MAGI3: variants seen among roughly 807,000 people sequenced by gnomAD.
MAGI3 encodes membrane-associated guanylate kinase, WW and PDZ domain-containing protein 3.
In MAGI3, 43 loss-of-function variants were observed where a neutral mutation model predicts 121.8. The ratio of observed to expected loss-of-function variants is 0.35; its 90% CI spans 0.28 to 0.46. The LOEUF (loss-of-function observed/expected upper bound fraction) is 0.46. Ranked by LOEUF, MAGI3 falls within the 20% of genes least tolerant of loss-of-function variation. The probability of loss-of-function intolerance (pLI) is 1.00; values close to 1 mark genes in which losing one functional copy is unlikely to be tolerated. For missense variants in MAGI3, 1,547 were observed against 1,797.3 expected, an observed-to-expected ratio of 0.86 and a Z score of 2.52; for synonymous variants, 553 against 639.3, an observed-to-expected ratio of 0.86 and a Z score of 2.04.
At position 113,672,707 on chromosome 1, in the gene MAGI3, C is replaced by T. The variant is rs1647635080; in HGVS notation, c.3011C>T (p.Ala1004Val). Residue 1004 changes from alanine (A) to valine (V), a missense_variant, in exon 18 of 21, where the codon GCA (alanine) becomes GTA (valine). Coordinates refer to ENST00000307546, the MANE Select transcript of MAGI3 (RefSeq NM_001142782.2). ...DHKHLAQPDTAVISVVGSRHN... is the reference protein window; with the variant it reads ...DHKHLAQPDTVVISVVGSRHN... ...AAGCACCTTGCACAGCCTGACACCG[C>T]AGTAATTTCAGTTGTAGGCAGTCGG... The T allele has an allele frequency of 6.2e-7, 1 of 1,613,258 alleles. No homozygotes were observed. Among genetic ancestry groups the T allele is most frequent in the Non-Finnish European group, 8.5e-7 (1 of 1,179,676 alleles).
In MAGI3 at chr1:113,564,625, T is replaced by G. The variant is rs192663504; in HGVS notation, c.433+14994T>G. ...TGGCTCACACCTGTAGTCCCAGCACTTTGGGAGGCTGAGGCGGAAGGAACT... is the reference window on the plus strand; with the variant it reads ...TGGCTCACACCTGTAGTCCCAGCACGTTGGGAGGCTGAGGCGGAAGGAACT... On this transcript the variant is annotated intron_variant, in intron 2 of 20. Transcript: ENST00000307546. Among the ~76,000 whole-genome samples, 727 of 152,128 alleles carry G rather than the reference T, an allele frequency of 4.8e-3. 4 individuals are homozygous for G. The highest frequency in any genetic ancestry group is 8.6e-3 in the Non-Finnish European group (584 of 67,990).
rs1330709327 is a variant in MAGI3, at chr1:113,683,146, A to G, written c.3578A>G (p.Lys1193Arg). ...TCTCTTCTCCAGAAAAATGTGAGTA[A>G]GAGGGATCCACCCAGCAGTCATGGG... is the stretch of plus-strand genomic sequence containing the variant. ...HQSLLQKNVS[K>R]RDPPSSHGHS... is the part of the protein sequence containing the mutation. Residue 1193 changes from lysine (K) to arginine (R), a missense_variant, in exon 21 of 21, where the codon AAG becomes AGG. Lys to Arg is a conservative substitution (Grantham distance 26). Transcript: ENST00000307546. 6.2e-7 allele frequency: 1 copy of G among 1,613,658 alleles called. No homozygotes were observed. The highest frequency in any genetic ancestry group is 1.7e-5 in the Admixed American group (1 of 59,944).
intron 5 of MAGI3, among the ~76,000 whole-genome samples, chr1:113,593,702 G>A (rs905123760): frequency 1.3e-5 from 2 of 151,958 alleles, no homozygotes; most frequent in African/African-American, 2.4e-5. Context: ...TCATTTCGGC[G>A]TTAGTATCTG....
At chr1:113,463,127 TG>T (rs1655112723) in intron 1 of MAGI3, among the ~76,000 whole-genome samples, 1 of 151,992 alleles carries the variant, frequency 6.6e-6, no homozygotes, top group Admixed American at 6.6e-5. Context: ...TCCAGTCTAG[TG>T]GTCCCAGATA....
chr1:113,535,080 C>T (rs1438318552), intron 1 of MAGI3, among the ~76,000 whole-genome samples: 1 of 152,150 alleles, frequency 6.6e-6, no homozygotes, highest in Non-Finnish European at 1.5e-5. Context: ...ATTGTTTGGT[C>T]TGAAGCCTGG....
intron 1 of MAGI3, among the ~76,000 whole-genome samples, chr1:113,454,382 T>TATG (rs1654643091): frequency 6.6e-6 from 1 of 152,188 alleles, no homozygotes; most frequent in Non-Finnish European, 1.5e-5. Flanking sequence ...GACCTGTCCG[T>TATG]ACATTTTAAT....
intron 4 of MAGI3, among the ~76,000 whole-genome samples, chr1:113,587,297 A>T (rs1648431618): frequency 6.6e-6 from 1 of 152,152 alleles, no homozygotes; most frequent in African/African-American, 2.4e-5. Flanking sequence ...CTAGGCTCAC[A>T]CAATTCTCAT....
intron 11 of MAGI3, among the ~76,000 whole-genome samples, chr1:113,644,292 A>T (rs1442598247): frequency 2.6e-5 from 4 of 151,592 alleles, no homozygotes; most frequent in East Asian, 3.9e-4. Context: ...TTATTTATTT[A>T]TTTTTTGAGA....
intron 1 of MAGI3, among the ~76,000 whole-genome samples, chr1:113,459,531 C>A (rs1360094533): frequency 1.3e-5 from 2 of 152,158 alleles, no homozygotes; most frequent in African/African-American, 4.8e-5. Flanking sequence ...ATTGTACATT[C>A]ATTCCTTCTT....
chr1:113,400,477 A>G (rs770649252), intron 1 of MAGI3, among the ~76,000 whole-genome samples: 1 of 152,278 alleles, frequency 6.6e-6, no homozygotes, highest in East Asian at 1.9e-4. Context: ...GTGATTTGCC[A>G]GTAAGAATCA....
At chr1:113,630,886 T>C (rs548859158) in intron 9 of MAGI3, among the ~76,000 whole-genome samples, 19 of 152,268 alleles carry the variant, frequency 1.2e-4, no homozygotes, top group Admixed American at 3.9e-4. Context: ...AGCTCAGCAC[T>C]AGGACTTGTC....
At chr1:113,530,332 A>G (rs1658647439) in intron 1 of MAGI3, among the ~76,000 whole-genome samples, 1 of 151,876 alleles carries the variant, frequency 6.6e-6, no homozygotes, top group Non-Finnish European at 1.5e-5. Context: ...GGAAAAAAAA[A>G]AAAAAGACAA....
At chr1:113,574,617 C>T (rs1647505662) in intron 2 of MAGI3, among the ~76,000 whole-genome samples, 2 of 152,324 alleles carry the variant, frequency 1.3e-5, no homozygotes, top group Admixed American at 1.3e-4. Context: ...CTGCCCTTAA[C>T]ATTTTTTCCT....
chr1:113,567,562 A>G (rs1660484385), intron 2 of MAGI3, among the ~76,000 whole-genome samples: 1 of 152,092 alleles, frequency 6.6e-6, no homozygotes, highest in Non-Finnish European at 1.5e-5. Context: ...AAAAAATCAT[A>G]CATCTTGACC....
chr1:113,611,575 C>T (rs1233947635), intron 6 of MAGI3, among the ~76,000 whole-genome samples: 1 of 152,110 alleles, frequency 6.6e-6, no homozygotes, highest in East Asian at 1.9e-4. Flanking sequence ...TAGTTCCAGT[C>T]TTCACAAGTT....
intron 1 of MAGI3, among the ~76,000 whole-genome samples, chr1:113,540,632 G>A (rs1659248315): frequency 6.6e-6 from 1 of 152,172 alleles, no homozygotes; most frequent in Non-Finnish European, 1.5e-5. Context: ...GCTGGGTGTT[G>A]ACAGACTGGT....
At chr1:113,580,913 A>C in intron 3 of MAGI3, 1 of 233,272 alleles carries the variant, frequency 4.3e-6, no homozygotes, top group Non-Finnish European at 8.2e-6. Context: ...CAGACTGGCC[A>C]GTTTATATAT....
At chr1:113,402,639 G>A (rs1651466640) in intron 1 of MAGI3, among the ~76,000 whole-genome samples, 1 of 151,934 alleles carries the variant, frequency 6.6e-6, no homozygotes, top group East Asian at 1.9e-4. Context: ...AGTGACTAGG[G>A]GATGCATTGG....
intron 19 of MAGI3, among the ~76,000 whole-genome samples, chr1:113,676,805 C>G (rs1169213983): frequency 6.6e-6 from 1 of 152,044 alleles, no homozygotes; most frequent in Admixed American, 6.5e-5. Flanking sequence ...GACAGCTGTA[C>G]TTTGTGTCCT....
Sources: gnomAD v4.1 joint callset for allele counts (sites outside exome capture counted in the v4.1 genomes callset) on GRCh38, gnomAD v4.1.1 for gene constraint, MANE v1.5 for transcripts, NCBI Gene and HGNC (gene_info 2026-07-23, HGNC 2026-07-21) for gene names.